Variants in HS6ST2 observed in about 807,000 individuals in gnomAD.
HS6ST2 encodes the protein heparan-sulfate 6-O-sulfotransferase 2.
Under a neutral mutation model 33.0 loss-of-function variants are expected in HS6ST2, and 17 were observed. The ratio of observed to expected loss-of-function variants is 0.52; its 90% CI spans 0.35 to 0.77. HS6ST2 has a LOEUF of 0.77. Ranked by LOEUF, HS6ST2 falls within the 30% of genes least tolerant of loss-of-function variation. HS6ST2 has a pLI of 0.01. For synonymous variants in HS6ST2, 248 were observed against 237.1 expected (o/e 1.05, Z -0.42); for missense variants, 519 against 551.7 (o/e 0.94, Z 0.59).
Position 132,671,014 on chromosome X carries a change from G to A in HS6ST2, c.981-1815C>T, listed in dbSNP as rs542791162. Among the ~76,000 whole-genome samples the A allele has an allele frequency of 8.5e-4, 95 of 111,557 alleles. 1 individual carries two copies. The South Asian group carries it at 0.011, about 13-fold the overall frequency. Reference sequence around the variant, plus strand: ...TGCACAGTGCAGGGACCATTACCCCGTACCACTCACAGACTCACCAGAATG... The same window carrying A: ...TGCACAGTGCAGGGACCATTACCCCATACCACTCACAGACTCACCAGAATG... On this transcript the variant is annotated intron_variant, in intron 3 of 4. Coordinates refer to ENST00000370833, the MANE Select transcript of HS6ST2 (RefSeq NM_001394073.1).
chrX:132,692,297 C>G (rs1298480814), intron 3 of HS6ST2, among the ~76,000 whole-genome samples: 7 of 111,300 alleles, frequency 6.3e-5, no homozygotes, highest in Non-Finnish European at 1.1e-4. Flanking sequence ...TTAGGACTAT[C>G]ACTTCCCCGC....
intron 2 of HS6ST2, among the ~76,000 whole-genome samples, chrX:132,950,012 G>C (rs141557219): frequency 9.0e-6 from 1 of 111,594 alleles, no homozygotes; most frequent in Non-Finnish European, 1.9e-5. Flanking sequence ...CTTTCAAGTG[G>C]ATGTACTGAG....
chrX:132,848,694 G>T (rs957758542), intron 2 of HS6ST2, among the ~76,000 whole-genome samples: 4 of 111,991 alleles, frequency 3.6e-5, no homozygotes, highest in African/African-American at 9.7e-5. Flanking sequence ...TACTCCAAGA[G>T]AATCCTTACT....
intron 2 of HS6ST2, among the ~76,000 whole-genome samples, chrX:132,923,987 T>C (rs2066683728): frequency 8.9e-6 from 1 of 112,429 alleles, no homozygotes; most frequent in African/African-American, 3.2e-5. Flanking sequence ...CCCGCATATC[T>C]TGTAGTCTAA....
chrX:132,704,701 C>A (rs990168385), intron 3 of HS6ST2, among the ~76,000 whole-genome samples: 8 of 112,218 alleles, frequency 7.1e-5, no homozygotes, highest in African/African-American at 2.6e-4. Flanking sequence ...TTTTAAAGTT[C>A]CAACTGCCAA....
intron 3 of HS6ST2, among the ~76,000 whole-genome samples, chrX:132,695,112 G>A (rs2064093395): frequency 1.8e-5 from 2 of 110,842 alleles, no homozygotes; most frequent in South Asian, 7.7e-4. Flanking sequence ...ATCCTCTCTC[G>A]CTAGCTACAA....
chrX:132,881,661 GT>G (rs1416394186), intron 2 of HS6ST2, among the ~76,000 whole-genome samples: 3 of 111,770 alleles, frequency 2.7e-5, no homozygotes, highest in Non-Finnish European at 5.6e-5. Context: ...GGCTTTTGTT[GT>G]CATTGCTTTT....
intron 2 of HS6ST2, among the ~76,000 whole-genome samples, chrX:132,809,733 C>T (rs1244955308): frequency 8.9e-6 from 1 of 111,954 alleles, no homozygotes; most frequent in Non-Finnish European, 1.9e-5. Flanking sequence ...TAAACCACCT[C>T]GATGCTTCAT....
intron 2 of HS6ST2, among the ~76,000 whole-genome samples, chrX:132,861,483 T>C (rs2065910354): frequency 8.9e-6 from 1 of 112,741 alleles, no homozygotes; most frequent in Admixed American, 9.4e-5. Context: ...TTATGGTTCT[T>C]GATTACTTCA....
At chrX:132,809,348 C>G (rs1569493382) in intron 2 of HS6ST2, among the ~76,000 whole-genome samples, 3 of 112,061 alleles carry the variant, frequency 2.7e-5, no homozygotes, top group African/African-American at 6.5e-5. Flanking sequence ...GTTCAGGGAC[C>G]ACACTGTGAA....
chrX:132,720,359 A>G (rs1448369940), intron 2 of HS6ST2, among the ~76,000 whole-genome samples: 1 of 111,068 alleles, frequency 9.0e-6, no homozygotes, highest in Non-Finnish European at 1.9e-5. Flanking sequence ...TCCCACTGAC[A>G]TACATTCTGA....
intron 2 of HS6ST2, among the ~76,000 whole-genome samples, chrX:132,918,796 T>C (rs768758584): frequency 8.9e-6 from 1 of 111,881 alleles, no homozygotes; most frequent in Non-Finnish European, 1.9e-5. Context: ...TCAGAATAAA[T>C]GGCCTGCTGA....
At chrX:132,795,748 A>G (rs2148348048) in intron 2 of HS6ST2, among the ~76,000 whole-genome samples, 1 of 110,657 alleles carries the variant, frequency 9.0e-6, no homozygotes, top group South Asian at 3.9e-4. Context: ...CTTGGACTAC[A>G]GGTGTGCACC....
intron 2 of HS6ST2, among the ~76,000 whole-genome samples, chrX:132,835,922 G>C (rs1171705902): frequency 1.8e-5 from 2 of 111,588 alleles, no homozygotes; most frequent in African/African-American, 3.3e-5. Context: ...TGGGGTGGAG[G>C]GGGGAAGAAA....
intron 2 of HS6ST2, among the ~76,000 whole-genome samples, chrX:132,818,891 A>G (rs952723324): frequency 2.7e-5 from 3 of 112,044 alleles, no homozygotes; most frequent in African/African-American, 9.7e-5. Flanking sequence ...TAGGTTGCTT[A>G]ATTAAGTATG....
chrX:132,640,673 C>T (rs1400976580), intron 4 of HS6ST2, among the ~76,000 whole-genome samples: 1 of 111,295 alleles, frequency 9.0e-6, no homozygotes, highest in South Asian at 3.8e-4. Flanking sequence ...AGTTTTCAAG[C>T]ATACTAAGAT....
chrX:132,868,193 TTACA>T (rs1483259395), intron 2 of HS6ST2, among the ~76,000 whole-genome samples: 1 of 111,929 alleles, frequency 8.9e-6, no homozygotes, highest in African/African-American at 3.2e-5. Flanking sequence ...AAGAAGGGCA[TTACA>T]TAATGATAAA....
At chrX:132,932,424 C>T (rs950438354) in intron 2 of HS6ST2, among the ~76,000 whole-genome samples, 1 of 111,357 alleles carries the variant, frequency 9.0e-6, no homozygotes, top group Non-Finnish European at 1.9e-5. Context: ...CCAAGACAGC[C>T]CTCTGACATC....
intron 2 of HS6ST2, among the ~76,000 whole-genome samples, chrX:132,751,951 T>C (rs1234852752): frequency 8.9e-6 from 1 of 112,031 alleles, no homozygotes; most frequent in Non-Finnish European, 1.9e-5. Flanking sequence ...TTAGCTCCTT[T>C]AATCTCACAG....
Sources: gnomAD v4.1 joint callset for allele counts (sites outside exome capture counted in the v4.1 genomes callset) on GRCh38, gnomAD v4.1.1 for gene constraint, MANE v1.5 for transcripts, NCBI Gene and HGNC (gene_info 2026-07-23, HGNC 2026-07-21) for gene names.